LTBP1: variants seen among roughly 807,000 people sequenced by gnomAD.
LTBP1 encodes latent transforming growth factor beta binding protein 1.
Under a neutral mutation model 207.6 loss-of-function variants are expected in LTBP1, and 129 were observed. That is an observed-to-expected ratio of 0.62 (90% CI 0.54 to 0.72). The LOEUF is 0.72. Among genes scored for constraint, LTBP1 ranks in the 30% least tolerant of loss-of-function variants. The pLI, the probability that LTBP1 is intolerant of heterozygous loss-of-function variation, is 0.00. For synonymous variants in LTBP1, 963 were observed against 833.7 expected (o/e 1.16, Z -2.67); for missense variants, 2,281 against 2,217.2 (o/e 1.03, Z -0.58).
intron 5 of LTBP1, among the ~76,000 whole-genome samples, chr2:33,178,107 A>G (rs188291901): frequency 7.2e-4 from 109 of 152,294 alleles, no homozygotes; most frequent in African/African-American, 2.4e-3. Flanking sequence ...TGTAGTCTAC[A>G]TAGTGATTTT....
intron 2 of LTBP1, among the ~76,000 whole-genome samples, chr2:32,986,123 C>A (rs184984729): frequency 2.6e-5 from 4 of 152,228 alleles, no homozygotes; most frequent in African/African-American, 7.2e-5. Flanking sequence ...GTCTTTCTGA[C>A]CCTGTTGGAT....
chr2:33,381,747 G>A (rs1052250889), intron 31 of LTBP1, among the ~76,000 whole-genome samples: 7 of 152,276 alleles, frequency 4.6e-5, no homozygotes, highest in African/African-American at 1.4e-4. Flanking sequence ...TTAAGGTCTA[G>A]GGAGTGTATT....
At chr2:33,326,210 T>C (rs991360886) in intron 24 of LTBP1, among the ~76,000 whole-genome samples, 2 of 152,202 alleles carry the variant, frequency 1.3e-5, no homozygotes, top group African/African-American at 4.8e-5. Context: ...TTTATTATAA[T>C]TGAACAAACA....
rs146120392 is a variant in LTBP1, at chr2:33,178,843, C to T, written c.1202-8013C>T. 6.5e-3 allele frequency among the ~76,000 whole-genome samples: 989 copies of T among 152,200 alleles called. 10 individuals carry two copies. Among genetic ancestry groups the T allele is most frequent in the Non-Finnish European group, 0.011 (750 of 68,002 alleles). On this transcript the variant is annotated intron_variant, in intron 5 of 33. Coordinates refer to ENST00000404816, the MANE Select transcript of LTBP1 (RefSeq NM_206943.4). The stretch of plus-strand genomic sequence containing the variant: ...TTCCTTGTAATGATGTCTGTCCACC[C>T]CCAACATTTTTGTAGGTATTAATTA...
intron 24 of LTBP1, among the ~76,000 whole-genome samples, chr2:33,337,035 T>C (rs2094561017): frequency 6.6e-6 from 1 of 152,234 alleles, no homozygotes; most frequent in Non-Finnish European, 1.5e-5. Flanking sequence ...TTTTTGGTTC[T>C]TAAACAAGAT....
At chr2:32,974,471 T>G (rs116363163) in intron 2 of LTBP1, among the ~76,000 whole-genome samples, 3 of 152,172 alleles carry the variant, frequency 2.0e-5, no homozygotes, top group African/African-American at 7.2e-5. Context: ...GCTCCTTACA[T>G]AGTCTTGTTA....
chr2:33,089,375 C>T lies in LTBP1; in HGVS notation c.864-21207C>T, dbSNP rs534072888. ...ATTGAGAAGGAAACACTAGAGTCAGCGATACTTGAGTAGGGTGATATTGCC... is the reference window on the plus strand; with the variant it reads ...ATTGAGAAGGAAACACTAGAGTCAGTGATACTTGAGTAGGGTGATATTGCC... On this transcript the variant is annotated intron_variant, in intron 3 of 33. Transcript: ENST00000404816. 3.9e-5 allele frequency among the ~76,000 whole-genome samples: 6 copies of T among 152,076 alleles called. 1 individual carries two copies. The highest frequency in any genetic ancestry group is 1.9e-4 in the East Asian group (1 of 5,172).
chr2:33,184,994 G>A (rs1050554733), intron 5 of LTBP1, among the ~76,000 whole-genome samples: 4 of 152,112 alleles, frequency 2.6e-5, no homozygotes, highest in African/African-American at 9.7e-5. Context: ...CTAGATGAGG[G>A]GCAATGGGAA....
intron 9 of LTBP1, among the ~76,000 whole-genome samples, chr2:33,237,587 A>G (rs1400642256): frequency 2.0e-5 from 3 of 152,232 alleles, no homozygotes; most frequent in Admixed American, 6.5e-5. Context: ...AAAACTTTGG[A>G]GCTGCAGAAT....
intron 22 of LTBP1, among the ~76,000 whole-genome samples, chr2:33,303,862 G>A (rs2149053377): frequency 6.6e-6 from 1 of 152,292 alleles, no homozygotes. Flanking sequence ...ATGGCCCAGG[G>A]ATTGAGGACC....
chr2:32,993,421 ACTCT>A (rs1372382761), intron 2 of LTBP1, among the ~76,000 whole-genome samples: 1 of 151,350 alleles, frequency 6.6e-6, no homozygotes, highest in Admixed American at 6.6e-5. Context: ...ATGCACACAC[ACTCT>A]CTCTCTCTCA....
At chr2:33,193,497 C>G (rs1389370860) in intron 7 of LTBP1, among the ~76,000 whole-genome samples, 1 of 152,164 alleles carries the variant, frequency 6.6e-6, no homozygotes, top group Non-Finnish European at 1.5e-5. Context: ...GGTGAAATTC[C>G]ATGATGTTCG....
At chr2:33,262,124 C>G (rs1003967325) in intron 13 of LTBP1, among the ~76,000 whole-genome samples, 1 of 152,144 alleles carries the variant, frequency 6.6e-6, no homozygotes, top group African/African-American at 2.4e-5. Context: ...GTGATGAAGC[C>G]CCAAATCCTT....
At chr2:33,177,163 C>T (rs1385158996) in intron 5 of LTBP1, among the ~76,000 whole-genome samples, 1 of 152,124 alleles carries the variant, frequency 6.6e-6, no homozygotes. Context: ...TCTGTATTCT[C>T]CCCATGGTGA....
chr2:33,365,682 G>T (rs2094977633), intron 31 of LTBP1, among the ~76,000 whole-genome samples, 179 bp downstream of exon 31: 1 of 150,884 alleles, frequency 6.6e-6, no homozygotes, highest in Non-Finnish European at 1.5e-5. Flanking sequence ...TTGGCTCCTG[G>T]TTTACCTCTA....
intron 2 of LTBP1, among the ~76,000 whole-genome samples, chr2:32,994,293 C>T (rs1252032582): frequency 1.3e-5 from 2 of 152,008 alleles, no homozygotes; most frequent in Non-Finnish European, 2.9e-5. Context: ...CTCATTTCAT[C>T]CTCTTAGTGT....
At chr2:33,341,729 A>AAAAAAATATTT (rs745445793) in intron 24 of LTBP1, among the ~76,000 whole-genome samples, 1 of 93,636 alleles carries the variant, frequency 1.1e-5, no homozygotes, top group South Asian at 3.9e-4. Context: ...AAAAAAAAAA[A>AAAAAAATATTT]ATATATATAT....
intron 2 of LTBP1, among the ~76,000 whole-genome samples, chr2:32,984,112 ACT>A (rs1683179522): frequency 1.3e-5 from 2 of 152,026 alleles, no homozygotes; most frequent in Non-Finnish European, 2.9e-5. Flanking sequence ...CCCCAAGAAC[ACT>A]CTTTAAGAAT....
intron 3 of LTBP1, among the ~76,000 whole-genome samples, chr2:33,051,450 A>G (rs1358006205): frequency 1.3e-5 from 2 of 152,060 alleles, no homozygotes; most frequent in Admixed American, 6.6e-5. Context: ...CACACACAAA[A>G]CTGTAGTCCT....
Sources: gnomAD v4.1 joint callset for allele counts (sites outside exome capture counted in the v4.1 genomes callset) on GRCh38, gnomAD v4.1.1 for gene constraint, MANE v1.5 for transcripts, NCBI Gene and HGNC (gene_info 2026-07-23, HGNC 2026-07-21) for gene names.